Variants in IGSF3 observed in about 807,000 individuals in gnomAD.
IGSF3 encodes immunoglobulin superfamily member 3.
A neutral mutation model predicts 114.4 loss-of-function variants in IGSF3; 23 were observed. That is an observed-to-expected ratio of 0.20 (90% CI 0.14 to 0.28). IGSF3 has a LOEUF of 0.28. Ranked by LOEUF, IGSF3 falls within the 10% of genes least tolerant of loss-of-function variation. IGSF3 has a pLI of 1.00. For missense variants in IGSF3, 1,172 were observed against 1,591.5 expected, an observed-to-expected ratio of 0.74 and a Z score of 4.48; for synonymous variants, 571 against 645.2, an observed-to-expected ratio of 0.88 and a Z score of 1.74.
Position 116,628,338 on chromosome 1 carries a change from G to A in IGSF3, c.44-11881C>T, listed in dbSNP as rs1647397651. 6.6e-6 allele frequency among the ~76,000 whole-genome samples: 1 copy of A among 152,126 alleles called. No homozygotes were observed. The highest frequency in any genetic ancestry group is 2.4e-5 in the African/African-American group (1 of 41,426). ...CAGCTTACACATGCCTGTTGCTGCTGCACTCCCCACTGTGGTTCTCAGCGC... is the reference window on the plus strand; with the variant it reads ...CAGCTTACACATGCCTGTTGCTGCTACACTCCCCACTGTGGTTCTCAGCGC... On this transcript the variant is annotated intron_variant, in intron 2 of 10. Coordinates refer to ENST00000369486, the MANE Select transcript of IGSF3 (RefSeq NM_001007237.3). The surrounding 1 kb of genome is among the most constrained non-coding windows in gnomAD (Gnocchi z 4.2).
At chr1:116,590,916 C>T (rs549260322) in intron 7 of IGSF3, among the ~76,000 whole-genome samples, 10 of 152,300 alleles carry the variant, frequency 6.6e-5, no homozygotes, top group African/African-American at 7.2e-5. Context: ...AGCAACACTG[C>T]GGAGCATCTC....
rs1661177791 is a variant in IGSF3 at position 116,615,315 on chromosome 1, A to G, written c.421+765T>C. Among the ~76,000 whole-genome samples the G allele has an allele frequency of 6.6e-6, 1 of 152,164 alleles. No individual in the cohort carries two copies. The highest frequency in any genetic ancestry group is 2.4e-5 in the African/African-American group (1 of 41,430). On this transcript the variant is annotated intron_variant, in intron 3 of 10. Coordinates refer to ENST00000369486, the MANE Select transcript of IGSF3 (RefSeq NM_001007237.3). The surrounding 1 kb of genome is among the most constrained non-coding windows in gnomAD (Gnocchi z 4.3). ...CACACACACACACACACGAAAAAAA[A>G]AAGGTCTCCTGCTGGGACACAGACT...
chr1:116,604,146 G>A, intron 5 of IGSF3, 121 bp from the exon 6 acceptor site: 3 of 898,762 alleles, frequency 3.3e-6, no homozygotes, highest in Non-Finnish European at 4.9e-6. Flanking sequence ...AGCCTCAGAG[G>A]GTCAAAAACA....
Position 116,649,546 on chromosome 1 carries a change from T to C in IGSF3, c.43+16738A>G, listed in dbSNP as rs1648540860. ...ATCTTCCTCTTCCATCTTCCTCCCC[T>C]AGATATCCATCTTACCCTTCTTCAC... On this transcript the variant is annotated intron_variant, in intron 2 of 10. Coordinates refer to ENST00000369486, the MANE Select transcript of IGSF3 (RefSeq NM_001007237.3). This position sits in a 1 kb window ranked among gnomAD's most constrained non-coding sequence, Gnocchi z 4.5. Among the ~76,000 whole-genome samples the C allele has an allele frequency of 6.6e-6, 1 of 152,214 alleles. No homozygotes were observed.
chr1:116,616,161 C>A lies in IGSF3; in HGVS notation c.340G>T (p.Asp114Tyr). The A allele has an allele frequency of 1.2e-6, 2 of 1,613,900 alleles. No homozygotes were observed. Among genetic ancestry groups the A allele is most frequent in the East Asian group, 2.2e-5 (1 of 44,886 alleles). ...GTGTGGCATTCATACTCCCCGGCAT[C>A]CCGGGCCTGAAGATCTGTGATGTGC... The part of the protein sequence containing the change: ...LLHITDLQAR[D>Y]AGEYECHTPS... The change falls in exon 3 of 11, where the codon GAT becomes TAT. Residue 114 changes from aspartate (D) to tyrosine (Y), a missense_variant. Physicochemically the swap from Asp to Tyr is radical, Grantham distance 160. This residue lies in a region of IGSF3 where 736 missense variants were observed against 1,042.0 expected (regional missense o/e 0.71). Coordinates refer to ENST00000369486, the MANE Select transcript of IGSF3 (RefSeq NM_001007237.3). This position sits in a 1 kb window ranked among gnomAD's most constrained non-coding sequence, Gnocchi z 6.6.
At chr1:116,586,347 G>A (rs919694755) in intron 8 of IGSF3, among the ~76,000 whole-genome samples, 1 of 152,110 alleles carries the variant, frequency 6.6e-6, no homozygotes, top group Non-Finnish European at 1.5e-5. Context: ...AGGGTTGAAA[G>A]GTTATTTTCT....
chr1:116,645,157 C>T (rs542457251), intron 2 of IGSF3, among the ~76,000 whole-genome samples: 123 of 152,310 alleles, frequency 8.1e-4, no homozygotes, highest in Admixed American at 4.4e-3. Flanking sequence ...ATCCATAAAA[C>T]GGAACACTAC....
rs968097920 is a variant in IGSF3, at chr1:116,598,359, G to C, written c.2029+1582C>G. 6.6e-6 allele frequency among the ~76,000 whole-genome samples: 1 copy of C among 152,178 alleles called. No individual in the cohort carries two copies. Among genetic ancestry groups the C allele is most frequent in the Non-Finnish European group, 1.5e-5 (1 of 68,038 alleles). On this transcript the variant is annotated intron_variant, in intron 7 of 10. Transcript: ENST00000369486. The surrounding 1 kb of genome is among the most constrained non-coding windows in gnomAD (Gnocchi z 4.3). ...CACAACAAGGGTTCACATAAAATGG[G>C]GTCTCTGCTTAACCTTCCATTAACC...
At position 116,627,843 on chromosome 1, in the gene IGSF3, G is replaced by A. The variant is rs1313749591; in HGVS notation, c.44-11386C>T. Among the ~76,000 whole-genome samples the A allele has an allele frequency of 1.3e-5, 2 of 152,176 alleles. No homozygotes were observed. Among genetic ancestry groups the A allele is most frequent in the Non-Finnish European group, 2.9e-5 (2 of 68,016 alleles). Reference sequence around the variant, plus strand: ...AGACACAAAACTAGAAAATGGGGCTGCCTAGCTAGGAATGCCCAGGCAGTG... The same window carrying A: ...AGACACAAAACTAGAAAATGGGGCTACCTAGCTAGGAATGCCCAGGCAGTG... On this transcript the variant is annotated intron_variant, in intron 2 of 10. Coordinates refer to ENST00000369486, the MANE Select transcript of IGSF3 (RefSeq NM_001007237.3). The surrounding 1 kb of genome is among the most constrained non-coding windows in gnomAD (Gnocchi z 4.7).
At chr1:116,640,769 T>A (rs1196895406) in intron 2 of IGSF3, among the ~76,000 whole-genome samples, 1 of 152,236 alleles carries the variant, frequency 6.6e-6, no homozygotes, top group Non-Finnish European at 1.5e-5. Context: ...TCCAAGGGTA[T>A]CTTCAACCAC....
intron 2 of IGSF3, among the ~76,000 whole-genome samples, chr1:116,639,413 T>C (rs1375791674): frequency 6.6e-6 from 1 of 152,176 alleles, no homozygotes; most frequent in Non-Finnish European, 1.5e-5. Context: ...GCTCAAGTCC[T>C]TTTTCCTTTC....
rs867413439 is a variant in IGSF3 at position 116,649,212 on chromosome 1, G to A, written c.43+17072C>T. ...CACTTTCTGGCCCTAGCCCAAGGCT[G>A]CTGTGGCATGGAAGGAATCAATGGA... On this transcript the variant is annotated intron_variant, in intron 2 of 10. Transcript: ENST00000369486. The surrounding 1 kb of genome is among the most constrained non-coding windows in gnomAD (Gnocchi z 4.5). 1.3e-5 allele frequency among the ~76,000 whole-genome samples: 2 copies of A among 152,218 alleles called. No individual in the cohort carries two copies. The highest frequency in any genetic ancestry group is 4.1e-4 in the South Asian group (2 of 4,834).
chr1:116,600,091 T>A lies in IGSF3; in HGVS notation c.1879A>T (p.Asn627Tyr). The change falls in exon 7 of 11, where the codon AAC (asparagine) becomes TAC (tyrosine). Residue 627 changes from asparagine to tyrosine, a missense_variant. Physicochemically the swap from Asn to Tyr is moderately radical, Grantham distance 143. Transcript: ENST00000369486. The surrounding 1 kb of genome is among the most constrained non-coding windows in gnomAD (Gnocchi z 5.5). ...TAIEKAESSN[N>Y]VRLSISRASD... ...GCTCGGCTGATGCTTAGGCGGACGT[T>A]GTTGCTGGACTCAGCCTTCTCGATG... The A allele has an allele frequency of 1.2e-6, 2 of 1,614,170 alleles. No individual in the cohort carries two copies. Among genetic ancestry groups the A allele is most frequent in the Non-Finnish European group, 1.7e-6 (2 of 1,180,034 alleles).
Position 116,632,087 on chromosome 1 carries a change from G to A in IGSF3, c.44-15630C>T, listed in dbSNP as rs1449141641. Among the ~76,000 whole-genome samples the A allele has an allele frequency of 6.6e-6, 1 of 152,186 alleles. No individual in the cohort carries two copies. The highest frequency in any genetic ancestry group is 2.4e-5 in the African/African-American group (1 of 41,436). On this transcript the variant is annotated intron_variant, in intron 2 of 10. Transcript: ENST00000369486. The surrounding 1 kb of genome is among the most constrained non-coding windows in gnomAD (Gnocchi z 5.1). ...AAACTTGCACAACTCAACCAGTGAA[G>A]GGCTGGGGAAGACTGACAAGTTCAC...
At position 116,638,673 on chromosome 1, in the gene IGSF3, A is replaced by G. The variant is rs1647942948; in HGVS notation, c.44-22216T>C. On this transcript the variant is annotated intron_variant, in intron 2 of 10. Coordinates refer to ENST00000369486, the MANE Select transcript of IGSF3 (RefSeq NM_001007237.3). This position sits in a 1 kb window ranked among gnomAD's most constrained non-coding sequence, Gnocchi z 4.1. ...CTCTTGTGTTGGTGAGCTAAAAACA[A>G]GATGGAAAAGAAAAGAGAAGAGGAA... is the stretch of plus-strand genomic sequence containing the variant. Among the ~76,000 whole-genome samples the G allele has an allele frequency of 1.3e-5, 2 of 152,362 alleles. No homozygotes were observed. The highest frequency in any genetic ancestry group is 2.1e-4 in the South Asian group (1 of 4,824).
In IGSF3 at chr1:116,655,348, T is replaced by A. The variant is rs1425772451; in HGVS notation, c.43+10936A>T. On this transcript the variant is annotated intron_variant, in intron 2 of 10. Coordinates refer to ENST00000369486, the MANE Select transcript of IGSF3 (RefSeq NM_001007237.3). This position sits in a 1 kb window ranked among gnomAD's most constrained non-coding sequence, Gnocchi z 4.3. Reference sequence around the variant, plus strand: ...TCAAACACTGATGTTTAAGAAGGGATGACTATGACACATGAATCCCACAGC... The same window carrying A: ...TCAAACACTGATGTTTAAGAAGGGAAGACTATGACACATGAATCCCACAGC... Among the ~76,000 whole-genome samples, 1 of 152,236 alleles carries A rather than the reference T, an allele frequency of 6.6e-6. No homozygotes were observed. The highest frequency in any genetic ancestry group is 1.9e-4 in the East Asian group (1 of 5,204).
chr1:116,595,778 A>C lies in IGSF3; in HGVS notation c.2029+4163T>G, dbSNP rs1660319004. Among the ~76,000 whole-genome samples, 1 of 152,222 alleles carries C rather than the reference A, an allele frequency of 6.6e-6. No homozygotes were observed. The highest frequency in any genetic ancestry group is 1.5e-5 in the Non-Finnish European group (1 of 68,048). On this transcript the variant is annotated intron_variant, in intron 7 of 10. Coordinates refer to ENST00000369486, the MANE Select transcript of IGSF3 (RefSeq NM_001007237.3). The surrounding 1 kb of genome is among the most constrained non-coding windows in gnomAD (Gnocchi z 4.2). ...TCCCTTACTGCTTCTGTATTTAAGG[A>C]TATGTAATTGGAGGGTGTTTTGAGC...
Position 116,657,812 on chromosome 1 carries a change from C to A in IGSF3, c.43+8472G>T, listed in dbSNP as rs555917684. On this transcript the variant is annotated intron_variant, in intron 2 of 10. Transcript: ENST00000369486. The surrounding 1 kb of genome is among the most constrained non-coding windows in gnomAD (Gnocchi z 4.2). ...GAAGCATCAGACAATGGGTCACATG[C>A]AAAAACAGAATTAAATACACAAAAA... Among the ~76,000 whole-genome samples the A allele has an allele frequency of 6.6e-6, 1 of 152,202 alleles. No homozygotes were observed. Among genetic ancestry groups the A allele is most frequent in the South Asian group, 2.1e-4 (1 of 4,820 alleles).
rs377340464 is a variant in IGSF3, at chr1:116,594,648, G to A, written c.2029+5293C>T. Among the ~76,000 whole-genome samples, 25 of 152,270 alleles carry A rather than the reference G, an allele frequency of 1.6e-4. No individual in the cohort carries two copies. In the East Asian group the frequency reaches 3.3e-3, roughly 20 times the overall value. On this transcript the variant is annotated intron_variant, in intron 7 of 10. Coordinates refer to ENST00000369486, the MANE Select transcript of IGSF3 (RefSeq NM_001007237.3). The surrounding 1 kb of genome is among the most constrained non-coding windows in gnomAD (Gnocchi z 5.2). ...TAGAGCTGGAATTCAAACCCAGGCCGTCTGGTCTGTCCTTGCTTTTAGCTA... is the reference window on the plus strand; with the variant it reads ...TAGAGCTGGAATTCAAACCCAGGCCATCTGGTCTGTCCTTGCTTTTAGCTA...
Sources: allele counts gnomAD v4.1 joint callset (sites outside exome capture counted in the v4.1 genomes callset), GRCh38; gene constraint gnomAD v4.1.1; regional missense constraint gnomAD v4.1.1; non-coding constraint Gnocchi (gnomAD v3.1); transcripts MANE v1.5; gene names NCBI Gene and HGNC (gene_info 2026-07-23, HGNC 2026-07-21).